The following IFT25 variants were observed in gnomAD, a reference collection of about 807,000 sequenced individuals.
IFT25 encodes the protein intraflagellar transport protein 25 homolog.
chr1:53,916,712 CT>C, the IFT25 span: 1 of 340,228 alleles, frequency 2.9e-6, no homozygotes, highest in Non-Finnish European at 5.3e-6. Context: ...TTTAGTTTCA[CT>C]TTTTGCTCTA....
the IFT25 span, among the ~76,000 whole-genome samples, chr1:53,931,561 T>C: frequency 6.6e-6 from 1 of 152,230 alleles, no homozygotes; most frequent in Admixed American, 6.5e-5. Context: ...GATATGAGGC[T>C]GTCCAGAATT....
the IFT25 span, chr1:53,923,980 A>G: frequency 1.1e-5 from 16 of 1,440,082 alleles, no homozygotes; most frequent in South Asian, 2.3e-5. Context: ...GAAATGAGTT[A>G]AGGGTCAAAA....
the IFT25 span, chr1:53,929,748 A>ATTT: frequency 7.7e-6 from 2 of 259,626 alleles, no homozygotes; most frequent in African/African-American, 4.5e-5. Context: ...CTTTTGCCAA[A>ATTT]GACTTTTACA....
At chr1:53,924,418 T>A in the IFT25 span, among the ~76,000 whole-genome samples, 1 of 152,246 alleles carries the variant, frequency 6.6e-6, no homozygotes, top group South Asian at 2.1e-4. Flanking sequence ...GAAGTAATCT[T>A]TTCTGGTATC....
chr1:53,928,083 T>C, the IFT25 span, among the ~76,000 whole-genome samples: 1 of 152,228 alleles, frequency 6.6e-6, no homozygotes, highest in African/African-American at 2.4e-5. Flanking sequence ...TTATTGTCTA[T>C]TATATGCCAG....
At chr1:53,914,145 C>A in the IFT25 span, among the ~76,000 whole-genome samples, 1 of 152,208 alleles carries the variant, frequency 6.6e-6, no homozygotes, top group Non-Finnish European at 1.5e-5. Flanking sequence ...CTCCATCCTC[C>A]TGAGCCACCT....
chr1:53,930,014 AAAAAT>A, the IFT25 span: 2 of 1,537,408 alleles, frequency 1.3e-6, no homozygotes, highest in Admixed American at 2.5e-5. Context: ...AAAAAAAAAA[AAAAAT>A]TAATGTAAGA....
At chr1:53,930,149 T>C in the IFT25 span, 6 of 1,545,246 alleles carry the variant, frequency 3.9e-6, no homozygotes, top group Admixed American at 2.4e-5. Flanking sequence ...TGGATTCCTA[T>C]TGTTAATTTT....
At chr1:53,941,601 C>A in the IFT25 span, among the ~76,000 whole-genome samples, 1 of 152,074 alleles carries the variant, frequency 6.6e-6, no homozygotes, top group Non-Finnish European at 1.5e-5. Flanking sequence ...GAGAACCAGT[C>A]AGTGTGGGAT....
At chr1:53,937,784 G>A in the IFT25 span, among the ~76,000 whole-genome samples, 2 of 152,202 alleles carry the variant, frequency 1.3e-5, no homozygotes, top group South Asian at 2.1e-4. Context: ...TCTATTTCTG[G>A]CAAACAACTT....
At chr1:53,914,354 A>G in the IFT25 span, among the ~76,000 whole-genome samples, 2 of 152,160 alleles carry the variant, frequency 1.3e-5, no homozygotes, top group African/African-American at 4.8e-5. Flanking sequence ...TGAAGATAAA[A>G]TGTTTTTCTT....
At chr1:53,915,446 G>T in the IFT25 span, among the ~76,000 whole-genome samples, 1 of 151,966 alleles carries the variant, frequency 6.6e-6, no homozygotes, top group South Asian at 2.1e-4. Flanking sequence ...AGGATACTTG[G>T]GCCATCATTA....
At chr1:53,937,200 TC>T in the IFT25 span, among the ~76,000 whole-genome samples, 1 of 152,282 alleles carries the variant, frequency 6.6e-6, no homozygotes, top group South Asian at 2.1e-4. Context: ...TCACTGAACT[TC>T]CACCTCCTGG....
At chr1:53,930,139 T>G in the IFT25 span, 2 of 1,548,700 alleles carry the variant, frequency 1.3e-6, no homozygotes, top group African/African-American at 1.4e-5. Context: ...AAAACGTTTC[T>G]GGATTCCTAT....
chr1:53,921,263 A>C, the IFT25 span, among the ~76,000 whole-genome samples: 1 of 152,176 alleles, frequency 6.6e-6, no homozygotes, highest in Non-Finnish European at 1.5e-5. Context: ...TTCCATAAGT[A>C]CTTTCTCTTT....
At chr1:53,944,519 C>G in the IFT25 span, among the ~76,000 whole-genome samples, 11 of 152,194 alleles carry the variant, frequency 7.2e-5, no homozygotes, top group Non-Finnish European at 1.3e-4. Context: ...GTGGCAGGTG[C>G]CTGTAATCCC....
At chr1:53,933,856 T>A in the IFT25 span, among the ~76,000 whole-genome samples, 4 of 152,144 alleles carry the variant, frequency 2.6e-5, no homozygotes, top group African/African-American at 9.7e-5. Context: ...TTCCTCTATT[T>A]TTTTTTAGCT....
At chr1:53,944,857 G>A in the IFT25 span, among the ~76,000 whole-genome samples, 1 of 152,118 alleles carries the variant, frequency 6.6e-6, no homozygotes, top group African/African-American at 2.4e-5. Context: ...CCCTTTCATC[G>A]CTAGCTCACA....
chr1:53,929,953 A>G, the IFT25 span: 1 of 1,456,038 alleles, frequency 6.9e-7, no homozygotes, highest in African/African-American at 1.5e-5. Flanking sequence ...CCTGTGGAAA[A>G]AATGAAAGGA....
Sources: allele counts gnomAD v4.1 joint callset (sites outside exome capture counted in the v4.1 genomes callset), GRCh38; gene constraint gnomAD v4.1.1; transcripts MANE v1.5; gene names NCBI Gene and HGNC (gene_info 2026-07-23, HGNC 2026-07-21).